Variants in GBP7 observed in about 807,000 individuals in gnomAD.
GBP7 encodes guanylate-binding protein 7.
A neutral mutation model predicts 61.3 loss-of-function variants in GBP7; 43 were observed. That is an observed-to-expected ratio of 0.70 (90% CI 0.55 to 0.91). The LOEUF (loss-of-function observed/expected upper bound fraction) is 0.91. GBP7 is among the 40% of genes least tolerant of loss of function. GBP7 has a pLI of 0.00. For missense variants in GBP7, 717 were observed against 740.5 expected (o/e 0.97, Z 0.37); for synonymous variants, 267 against 271.0 (o/e 0.99, Z 0.14).
chr1:89,164,040 T>C (rs945017842), intron 3 of GBP7, among the ~76,000 whole-genome samples: 1 of 152,222 alleles, frequency 6.6e-6, no homozygotes, highest in Non-Finnish European at 1.5e-5. Context: ...GGGCTAATTT[T>C]TGCATTTTCA....
At chr1:89,150,989 T>G (rs1682184818) in intron 5 of GBP7, among the ~76,000 whole-genome samples, 1 of 152,244 alleles carries the variant, frequency 6.6e-6, no homozygotes, top group Non-Finnish European at 1.5e-5. Context: ...TACATGTACA[T>G]AGTGAAATTA....
chr1:89,164,691 A>T lies in GBP7; in HGVS notation c.318+40T>A, dbSNP rs528369711. 82 of 1,599,872 alleles carry T rather than the reference A, an allele frequency of 5.1e-5. 1 individual carries two copies. In the South Asian group the frequency reaches 7.8e-4, roughly 15 times the overall value. On this transcript the variant is annotated intron_variant, in intron 3 of 10. Transcript: ENST00000294671. ...ACTATGCATAAAAACATAAATAGAG[A>T]ATCAAAGGTAAAGAAGATTTCTCTA... is the stretch of plus-strand genomic sequence containing the variant.
intron 8 of GBP7, among the ~76,000 whole-genome samples, chr1:89,145,543 A>C (rs1180817878): frequency 6.6e-6 from 1 of 152,088 alleles, no homozygotes; most frequent in African/African-American, 2.4e-5. Flanking sequence ...GGGAGTGAAA[A>C]TATCTCTTTG....
At chr1:89,150,964 CATG>C (rs1406261602) in intron 5 of GBP7, among the ~76,000 whole-genome samples, 33 of 152,128 alleles carry the variant, frequency 2.2e-4, no homozygotes, top group Admixed American at 2.2e-3. Flanking sequence ...GGCGTTATAA[CATG>C]ATGTTTCGAT....
chr1:89,147,634 T>A lies in GBP7; in HGVS notation c.1298A>T (p.Asn433Ile). Reference protein sequence around the residue: ...RGTFFVPGGHNIYLEAKKKIE... With the variant: ...RGTFFVPGGHIIYLEAKKKIE... The stretch of plus-strand genomic sequence containing the variant: ...CTTCTTTTTTGCTTCTAAGTAGATA[T>A]TGTGCCCCCCCGGAACAAAGAAAGT... Residue 433 changes from asparagine to isoleucine, a missense_variant, in exon 8 of 11, where the codon AAT becomes ATT. By Grantham distance (149) the Asn-to-Ile change is moderately radical (BLOSUM62 -3). This residue lies in a region of GBP7 where 312 missense variants were observed against 310.1 expected (regional missense o/e 1.01). Coordinates refer to ENST00000294671, the MANE Select transcript of GBP7 (RefSeq NM_207398.3). 6.2e-7 allele frequency: 1 copy of A among 1,614,200 alleles called. No homozygotes were observed. The highest frequency in any genetic ancestry group is 8.5e-7 in the Non-Finnish European group (1 of 1,180,026).
At chr1:89,140,667 C>T (rs143049863) in intron 9 of GBP7, among the ~76,000 whole-genome samples, 110 of 152,168 alleles carry the variant, frequency 7.2e-4, no homozygotes, top group African/African-American at 2.6e-3. Context: ...TAAAACAGAA[C>T]TATCATTTGA....
chr1:89,147,797 G>A lies in GBP7; in HGVS notation c.1153-18C>T. The stretch of plus-strand genomic sequence containing the variant: ...ATGGTGTCCTGCCAGAAAAGTGTAG[G>A]GAAAAACAGTAGAAAGAAGCTGTTA... On this transcript the variant is annotated intron_variant, in intron 7 of 10. Transcript: ENST00000294671. The A allele has an allele frequency of 6.2e-7, 1 of 1,612,702 alleles. No individual in the cohort carries two copies. Among genetic ancestry groups the A allele is most frequent in the Non-Finnish European group, 8.5e-7 (1 of 1,179,296 alleles).
At position 89,146,102 on chromosome 1, in the gene GBP7, G is replaced by T. The variant is rs958633151; in HGVS notation, c.1365+1465C>A. On this transcript the variant is annotated intron_variant, in intron 8 of 10. Transcript: ENST00000294671. ...AAGTAGTGTAATGCTGGCATAAAGA[G>T]ACATCTAACTGCATGGAACAGAATA... 3.9e-5 allele frequency among the ~76,000 whole-genome samples: 6 copies of T among 152,078 alleles called. No individual in the cohort carries two copies. The East Asian group carries it at 1.2e-3, about 29-fold the overall frequency.
intron 8 of GBP7, among the ~76,000 whole-genome samples, chr1:89,145,120 T>G (rs181141000): frequency 2.5e-3 from 375 of 152,088 alleles, no homozygotes; most frequent in Non-Finnish European, 4.1e-3. Context: ...GCCAGGCTAA[T>G]TTTTGTATTT....
In GBP7 at chr1:89,169,117, T is replaced by C. The variant is rs529357202; in HGVS notation, c.190+2629A>G. ...CATTTGAGCAAGTAACCTTAACTTA[T>C]TCTGTTTTTTCAGAAAAATAAGTTT... On this transcript the variant is annotated intron_variant, in intron 2 of 10. Transcript: ENST00000294671. Among the ~76,000 whole-genome samples the C allele has an allele frequency of 1.7e-3, 260 of 152,352 alleles. 1 individual carries two copies. The highest frequency in any genetic ancestry group is 3.1e-3 in the South Asian group (15 of 4,832).
intron 3 of GBP7, among the ~76,000 whole-genome samples, chr1:89,154,137 G>A (rs1168015301): frequency 2.0e-5 from 3 of 152,156 alleles, no homozygotes; most frequent in Non-Finnish European, 2.9e-5. Context: ...CATCAAGCAT[G>A]TATATATTTG....
chr1:89,150,974 C>T (rs1260831922), intron 5 of GBP7, among the ~76,000 whole-genome samples: 2 of 152,042 alleles, frequency 1.3e-5, no homozygotes, highest in East Asian at 1.9e-4. Context: ...CATGATGTTT[C>T]GATATACATG....
chr1:89,173,751 G>C (rs1647666225), intron 1 of GBP7, among the ~76,000 whole-genome samples: 1 of 152,024 alleles, frequency 6.6e-6, no homozygotes, highest in Admixed American at 6.5e-5. Flanking sequence ...TTGGTATCTT[G>C]GTTGATTTTA....
At position 89,152,354 on chromosome 1, in the gene GBP7, A is replaced by G. The variant is rs1430497434; in HGVS notation, c.539T>C (p.Val180Ala). The change falls in exon 5 of 11, where the codon GTT becomes GCT. Residue 180 changes from valine to alanine, a missense_variant. Physicochemically the swap from Val to Ala is moderately conservative, Grantham distance 64. Transcript: ENST00000294671. The part of the protein sequence containing the change: ...VSFFPDFIWT[V>A]RDFTLELKLD... ...CTTCAGCTCCAGGGTAAAATCTCGA[A>G]CAGTCCAAATAAAGTCTGGAAAGAA... The G allele has an allele frequency of 1.2e-6, 2 of 1,614,096 alleles. No individual in the cohort carries two copies. The highest frequency in any genetic ancestry group is 8.5e-7 in the Non-Finnish European group (1 of 1,180,002).
At chr1:89,143,802 C>G (rs1682007355) in intron 8 of GBP7, among the ~76,000 whole-genome samples, 1 of 152,156 alleles carries the variant, frequency 6.6e-6, no homozygotes, top group South Asian at 2.1e-4. Flanking sequence ...GGATCTTCCC[C>G]CATGATCCAA....
At chr1:89,161,164 T>A (rs1490390846) in intron 3 of GBP7, among the ~76,000 whole-genome samples, 2 of 152,240 alleles carry the variant, frequency 1.3e-5, no homozygotes, top group African/African-American at 4.8e-5. Context: ...CCACATTTTC[T>A]TTATCTAGTC....
At chr1:89,175,023 G>A (rs1281456020) in intron 1 of GBP7, among the ~76,000 whole-genome samples, 3 of 152,140 alleles carry the variant, frequency 2.0e-5, no homozygotes, top group African/African-American at 7.2e-5. Context: ...AAAGTTAAAA[G>A]GAGTGAAAAG....
At position 89,138,079 on chromosome 1, in the gene GBP7, C is replaced by A. The variant is rs145384777; in HGVS notation, c.1468+3467G>T. Among the ~76,000 whole-genome samples, 1,094 of 151,988 alleles carry A rather than the reference C, an allele frequency of 7.2e-3. 7 individuals are homozygous for A. Among genetic ancestry groups the A allele is most frequent in the African/African-American group, 0.026 (1,062 of 41,466 alleles). On this transcript the variant is annotated intron_variant, in intron 9 of 10. Transcript: ENST00000294671. ...ATTGTGAATAACCAAGAATAAAATA[C>A]CTAGGTTTACAGCCAATCAGGGAGG...
chr1:89,154,046 G>A (rs1482207814), intron 3 of GBP7, among the ~76,000 whole-genome samples: 2 of 152,116 alleles, frequency 1.3e-5, no homozygotes, highest in Admixed American at 1.3e-4. Context: ...TAATATTCAG[G>A]GCAAGACATG....
Sources: allele counts gnomAD v4.1 joint callset (sites outside exome capture counted in the v4.1 genomes callset), GRCh38; gene constraint gnomAD v4.1.1; regional missense constraint gnomAD v4.1.1; transcripts MANE v1.5; gene names NCBI Gene and HGNC (gene_info 2026-07-23, HGNC 2026-07-21).